ERBB4: variants seen among roughly 807,000 people sequenced by gnomAD.
ERBB4 encodes the protein erb-b2 receptor tyrosine kinase 4, also known as receptor tyrosine-protein kinase erbB-4.
ERBB4 carries 42 observed loss-of-function variants against 158.0 expected under a neutral mutation model. The observed-to-expected ratio is 0.27, with a 90% confidence interval of 0.21 to 0.34. The LOEUF (loss-of-function observed/expected upper bound fraction) is 0.34. Ranked by LOEUF, ERBB4 falls within the 10% of genes least tolerant of loss-of-function variation. The pLI is 1.00. For missense variants in ERBB4, 1,333 were observed against 1,624.1 expected (o/e 0.82, Z 3.08); for synonymous variants, 583 against 558.7 (o/e 1.04, Z -0.61).
intron 1 of ERBB4, among the ~76,000 whole-genome samples, chr2:212,328,028 T>TA (rs1201106643): frequency 9.2e-4 from 23 of 24,880 alleles, no homozygotes; most frequent in Non-Finnish European, 1.3e-3. Flanking sequence ...TAAAACAACT[T>TA]TAAAAAAAAA....
At chr2:211,526,390 C>T (rs1396972176) in intron 20 of ERBB4, among the ~76,000 whole-genome samples, 11 of 152,142 alleles carry the variant, frequency 7.2e-5, no homozygotes, top group African/African-American at 2.7e-4. Context: ...AAGGCAGTAC[C>T]TCTGCAAGTC....
intron 1 of ERBB4, among the ~76,000 whole-genome samples, chr2:212,400,293 T>C (rs2106460963): frequency 6.6e-6 from 1 of 152,262 alleles, no homozygotes; most frequent in South Asian, 2.1e-4. Context: ...CTACTGCAGT[T>C]ATGCTGTGGC....
chr2:212,301,755 A>G (rs1559964659), intron 1 of ERBB4, among the ~76,000 whole-genome samples: 1 of 148,510 alleles, frequency 6.7e-6, no homozygotes, highest in African/African-American at 2.5e-5. Context: ...CCTGAAATCC[A>G]TATGTCATCA....
At chr2:211,868,211 T>G (rs1246515792) in intron 3 of ERBB4, among the ~76,000 whole-genome samples, 2 of 152,154 alleles carry the variant, frequency 1.3e-5, no homozygotes, top group Non-Finnish European at 2.9e-5. Context: ...ATTTCTGGAA[T>G]GCAACTGAAA....
At chr2:212,233,472 A>T (rs1037592581) in intron 1 of ERBB4, among the ~76,000 whole-genome samples, 2 of 152,156 alleles carry the variant, frequency 1.3e-5, no homozygotes, top group African/African-American at 4.8e-5. Context: ...CTTAATGGAT[A>T]TGTTTTTACT....
chr2:211,469,522 T>C (rs1423225325), intron 20 of ERBB4, among the ~76,000 whole-genome samples: 1 of 152,160 alleles, frequency 6.6e-6, no homozygotes, highest in Non-Finnish European at 1.5e-5. Context: ...CCATTAAATA[T>C]ATATGTATCC....
rs187551185 is a variant in ERBB4, at chr2:211,614,100, T to A, written c.2301+5077A>T. ...GCACTATTCAGCCGTAAAAAAAGAA[T>A]GCAATCAAGTCATTTGCAAAGCTTG... On this transcript the variant is annotated intron_variant, in intron 19 of 27. Transcript: ENST00000342788. Among the ~76,000 whole-genome samples the A allele has an allele frequency of 1.4e-4, 21 of 152,098 alleles. No individual in the cohort carries two copies. In the East Asian group the frequency reaches 4.1e-3, roughly 29 times the overall value.
chr2:212,124,665 T>C (rs940488149), intron 2 of ERBB4, 87 bp downstream of exon 2: 8 of 1,469,004 alleles, frequency 5.4e-6, no homozygotes, highest in Admixed American at 1.7e-5. Flanking sequence ...AGAGCACCCC[T>C]TCCAGGTATC....
chr2:212,469,523 T>A (rs1689009507), intron 1 of ERBB4, among the ~76,000 whole-genome samples: 1 of 152,196 alleles, frequency 6.6e-6, no homozygotes, highest in African/African-American at 2.4e-5. Context: ...TGTCACTTTT[T>A]AGTGGCTGTT....
chr2:211,604,492 T>G (rs989939213), intron 19 of ERBB4, among the ~76,000 whole-genome samples: 3 of 152,190 alleles, frequency 2.0e-5, no homozygotes, highest in African/African-American at 7.2e-5. Context: ...CCCTGAATAC[T>G]TTATGCTCGA....
intron 5 of ERBB4, among the ~76,000 whole-genome samples, chr2:211,747,048 T>G (rs2074997246): frequency 6.6e-6 from 1 of 152,096 alleles, no homozygotes; most frequent in South Asian, 2.1e-4. Flanking sequence ...CTCAATAACA[T>G]ACGTAGTTCA....
chr2:211,440,952 C>T (rs1369337802), intron 20 of ERBB4, among the ~76,000 whole-genome samples: 1 of 152,140 alleles, frequency 6.6e-6, no homozygotes, highest in Admixed American at 6.5e-5. Context: ...CAAATATCTG[C>T]CCAACGCATG....
At chr2:212,049,494 T>C (rs1308270432) in intron 2 of ERBB4, among the ~76,000 whole-genome samples, 1 of 152,152 alleles carries the variant, frequency 6.6e-6, no homozygotes, top group Non-Finnish European at 1.5e-5. Context: ...ACCAGGCTTT[T>C]TGTATTGGGT....
At chr2:212,329,350 T>A (rs1448480528) in intron 1 of ERBB4, among the ~76,000 whole-genome samples, 1 of 152,100 alleles carries the variant, frequency 6.6e-6, no homozygotes, top group Admixed American at 6.6e-5. Flanking sequence ...AATTGCTTTT[T>A]TAGCTTTTAC....
At chr2:211,524,657 G>GCCGGCTGCTCCGAGTGCTCCGCCTGCT (rs1476130637) in intron 20 of ERBB4, among the ~76,000 whole-genome samples, 3 of 144,406 alleles carry the variant, frequency 2.1e-5, no homozygotes, top group Non-Finnish European at 4.6e-5. Flanking sequence ...CGGCAGGGCC[G>GCCGGCTGCTCCGAGTGCTCCGCCTGCT]CCGGCTGCTC....
intron 2 of ERBB4, among the ~76,000 whole-genome samples, chr2:212,058,422 C>T (rs1162231489): frequency 6.6e-6 from 1 of 152,174 alleles, no homozygotes; most frequent in Non-Finnish European, 1.5e-5. Context: ...AAGAGGGAAT[C>T]CTCCCTAACT....
chr2:212,529,768 T>A (rs999144751), intron 1 of ERBB4, among the ~76,000 whole-genome samples: 13 of 152,146 alleles, frequency 8.5e-5, no homozygotes, highest in Non-Finnish European at 2.9e-5. Flanking sequence ...GTGATATTGA[T>A]AAGGACTACT....
chr2:212,022,603 T>G (rs2076679127), intron 2 of ERBB4, among the ~76,000 whole-genome samples: 1 of 152,018 alleles, frequency 6.6e-6, no homozygotes, highest in African/African-American at 2.4e-5. Context: ...TAGGCCATGG[T>G]TTGATAGGTG....
intron 3 of ERBB4, among the ~76,000 whole-genome samples, chr2:211,943,981 GC>G (rs1389567568): frequency 2.0e-5 from 3 of 150,528 alleles, no homozygotes; most frequent in Non-Finnish European, 4.4e-5. Flanking sequence ...TTTGCAGAAA[GC>G]TAATGTGCTG....
Sources: allele counts gnomAD v4.1 joint callset (sites outside exome capture counted in the v4.1 genomes callset), GRCh38; gene constraint gnomAD v4.1.1; transcripts MANE v1.5; gene names NCBI Gene and HGNC (gene_info 2026-07-23, HGNC 2026-07-21).